The following CCNJL variants were observed in gnomAD, a reference collection of about 807,000 sequenced individuals.
CCNJL encodes the protein cyclin J like, also known as cyclin-J-like protein.
Under a neutral mutation model 33.4 loss-of-function variants are expected in CCNJL, and 33 were observed. The ratio of observed to expected loss-of-function variants is 0.99; its 90% CI spans 0.75 to 1.32. The LOEUF is 1.32. Ranked by LOEUF, CCNJL falls within the 40% of genes most tolerant of loss-of-function variation. The probability of loss-of-function intolerance (pLI) is 0.00; values close to 1 mark genes in which losing one functional copy is unlikely to be tolerated. For missense variants in CCNJL, 512 were observed against 499.7 expected, an observed-to-expected ratio of 1.02 and a Z score of -0.23; for synonymous variants, 227 against 220.9, an observed-to-expected ratio of 1.03 and a Z score of -0.24.
chr5:160,285,378 A>G (rs1762369889), intron 2 of CCNJL, among the ~76,000 whole-genome samples: 1 of 144,612 alleles, frequency 6.9e-6, no homozygotes, highest in Admixed American at 6.8e-5. Flanking sequence ...TCAGCACCCC[A>G]GTGTGAAGAG....
intron 3 of CCNJL, among the ~76,000 whole-genome samples, chr5:160,266,829 G>T (rs1761616075): frequency 6.6e-6 from 1 of 152,186 alleles, no homozygotes; most frequent in Non-Finnish European, 1.5e-5. Context: ...CGACTCCACA[G>T]TCAACACTGT....
intron 2 of CCNJL, 97 bp downstream of exon 2, chr5:160,311,761 G>A (rs1178033641): frequency 8.6e-7 from 1 of 1,165,804 alleles, no homozygotes; most frequent in Admixed American, 1.7e-5. Context: ...GCACCCGGGA[G>A]TTCTGAGTTC....
rs569174113 is a variant in CCNJL, at chr5:160,267,292, G to A, written c.281-7521C>T. Among the ~76,000 whole-genome samples the A allele has an allele frequency of 4.3e-4, 65 of 152,212 alleles. 1 individual carries two copies. The South Asian group carries it at 0.012, about 28-fold the overall frequency. On this transcript the variant is annotated intron_variant, in intron 3 of 5. Transcript: ENST00000257536. ...GATGCTCTCAGCTGATTCTGGCAACGACCCTGGGAGGTTGGGGGTGTTTCC... is the reference window on the plus strand; with the variant it reads ...GATGCTCTCAGCTGATTCTGGCAACAACCCTGGGAGGTTGGGGGTGTTTCC...
intron 1 of CCNJL, among the ~76,000 whole-genome samples, chr5:160,318,771 A>G (rs1763406364): frequency 6.6e-6 from 1 of 152,230 alleles, no homozygotes; most frequent in Non-Finnish European, 1.5e-5. Flanking sequence ...GGAAAGAATG[A>G]AATATATATG....
At chr5:160,268,376 C>T (rs888771970) in intron 3 of CCNJL, among the ~76,000 whole-genome samples, 2 of 152,210 alleles carry the variant, frequency 1.3e-5, no homozygotes, top group Non-Finnish European at 2.9e-5. Flanking sequence ...CTTCTTGGAC[C>T]TGTGTTTCCT....
chr5:160,263,906 T>C (rs1161057896), intron 3 of CCNJL, among the ~76,000 whole-genome samples: 7 of 152,036 alleles, frequency 4.6e-5, no homozygotes, highest in African/African-American at 1.7e-4. Flanking sequence ...GATGTTCACA[T>C]TGTCCTAAAT....
At chr5:160,282,778 G>C (rs1561790881) in intron 2 of CCNJL, among the ~76,000 whole-genome samples, 1 of 151,130 alleles carries the variant, frequency 6.6e-6, no homozygotes, top group African/African-American at 2.4e-5. Context: ...TCATTAGAAT[G>C]GTTGTTGTAA....
intron 1 of CCNJL, among the ~76,000 whole-genome samples, chr5:160,328,089 C>T (rs534307088): frequency 5.9e-5 from 9 of 152,158 alleles, no homozygotes; most frequent in Admixed American, 1.3e-4. Flanking sequence ...CGCAGGAGTG[C>T]GCGTGGCATG....
At chr5:160,271,438 G>T (rs1287981341) in intron 3 of CCNJL, among the ~76,000 whole-genome samples, 1 of 152,210 alleles carries the variant, frequency 6.6e-6, no homozygotes, top group Non-Finnish European at 1.5e-5. Context: ...TGTTAAACTT[G>T]CTAAGGCAAA....
At position 160,249,257 on chromosome 5, in the gene CCNJL, T is replaced by C. The variant is rs529127375; in HGVS notation, c.*4121A>G. ...GTTGTGGAATAGGTCTGTTTCTATA[T>C]GCACATGTAACCCAAATGTCAAATA... On this transcript the variant is annotated 3_prime_UTR_variant, in exon 6 of 6. Coordinates refer to ENST00000257536, the MANE Select transcript of CCNJL (RefSeq NM_001308173.3). The C allele has an allele frequency of 5.3e-5, 8 of 152,288 alleles. No homozygotes were observed. Among genetic ancestry groups the C allele is most frequent in the African/African-American group, 9.6e-5 (4 of 41,568 alleles). The allele number at this position is 152,288 out of a possible 1,614,324, so 9.4% of individuals were successfully genotyped here.
At chr5:160,304,233 T>G (rs1763020925) in intron 2 of CCNJL, among the ~76,000 whole-genome samples, 1 of 152,240 alleles carries the variant, frequency 6.6e-6, no homozygotes, top group Non-Finnish European at 1.5e-5. Flanking sequence ...CAACGCCAAG[T>G]TCTGGTTCAG....
intron 4 of CCNJL, among the ~76,000 whole-genome samples, chr5:160,259,058 T>C (rs925705682): frequency 6.6e-6 from 1 of 151,892 alleles, no homozygotes; most frequent in African/African-American, 2.4e-5. Context: ...AAGTTTCAAG[T>C]AAGTTTCAAG....
intron 1 of CCNJL, among the ~76,000 whole-genome samples, chr5:160,320,969 TCTCC>T (rs1258270763): frequency 7.5e-6 from 1 of 132,898 alleles, no homozygotes. Flanking sequence ...CCTCTCTGTC[TCTCC>T]CTCCCTCTCT....
intron 2 of CCNJL, among the ~76,000 whole-genome samples, chr5:160,300,670 C>T (rs767695071): frequency 2.0e-5 from 3 of 152,026 alleles, no homozygotes; most frequent in African/African-American, 7.2e-5. Context: ...TTTTCCCACT[C>T]GAGGTTCCCA....
At chr5:160,319,726 C>T (rs1763417616) in intron 1 of CCNJL, among the ~76,000 whole-genome samples, 3 of 152,258 alleles carry the variant, frequency 2.0e-5, no homozygotes, top group South Asian at 4.1e-4. Flanking sequence ...AGTCCAGTAG[C>T]TTAAGACGAG....
intron 3 of CCNJL, among the ~76,000 whole-genome samples, chr5:160,263,922 C>T (rs1396426703): frequency 1.3e-5 from 2 of 149,902 alleles, no homozygotes; most frequent in African/African-American, 4.9e-5. Flanking sequence ...TAAATTGGAA[C>T]AGCAGGAGCC....
At chr5:160,325,075 A>G (rs559816984) in intron 1 of CCNJL, among the ~76,000 whole-genome samples, 1 of 152,284 alleles carries the variant, frequency 6.6e-6, no homozygotes, top group South Asian at 2.1e-4. Flanking sequence ...CAGCTTCCCC[A>G]TCTGTCAGTG....
intron 3 of CCNJL, among the ~76,000 whole-genome samples, chr5:160,262,712 C>A (rs1195578883): frequency 6.6e-6 from 1 of 152,192 alleles, no homozygotes; most frequent in Non-Finnish European, 1.5e-5. Context: ...GCTTCTACAC[C>A]CAGAAGCAGA....
At chr5:160,290,254 C>CT (rs1202302232) in intron 2 of CCNJL, among the ~76,000 whole-genome samples, 2 of 151,420 alleles carry the variant, frequency 1.3e-5, no homozygotes, top group Non-Finnish European at 2.9e-5. Context: ...AAAGTCACTT[C>CT]TTTTTTTTCT....
Sources: gnomAD v4.1 joint callset for allele counts (sites outside exome capture counted in the v4.1 genomes callset) on GRCh38, gnomAD v4.1.1 for gene constraint, MANE v1.5 for transcripts, NCBI Gene and HGNC (gene_info 2026-07-23, HGNC 2026-07-21) for gene names.